The following CADM2 variants were observed in gnomAD, a reference collection of about 807,000 sequenced individuals.
The protein encoded by CADM2 is cell adhesion molecule 2.
Under a neutral mutation model 49.8 loss-of-function variants are expected in CADM2, and 12 were observed. That is an observed-to-expected ratio of 0.24 (90% confidence interval 0.15 to 0.39). The LOEUF (loss-of-function observed/expected upper bound fraction) is 0.39, where lower values mean the gene tolerates loss of function less well. Ranked by LOEUF, CADM2 falls within the 10% of genes least tolerant of loss-of-function variation. The pLI is 1.00. For synonymous variants in CADM2, 214 were observed against 175.4 expected (o/e 1.22, Z -1.74); for missense variants, 378 against 492.3 (o/e 0.77, Z 2.20).
At chr3:85,427,179 TA>T (rs2036448109) in intron 1 of CADM2, among the ~76,000 whole-genome samples, 1 of 42,948 alleles carries the variant, frequency 2.3e-5, no homozygotes, top group South Asian at 9.3e-4. Context: ...TATATATATA[TA>T]TATATATATA....
intron 1 of CADM2, among the ~76,000 whole-genome samples, chr3:85,404,847 A>C (rs759300931): frequency 6.6e-6 from 1 of 152,116 alleles, no homozygotes; most frequent in South Asian, 2.1e-4. Flanking sequence ...ACGTGTTTTA[A>C]AGTTTGTTAC....
chr3:85,924,738 G>T (rs540726041), intron 6 of CADM2, among the ~76,000 whole-genome samples: 68 of 152,118 alleles, frequency 4.5e-4, no homozygotes, highest in African/African-American at 1.5e-3. Context: ...GAGACACATT[G>T]CTTCTATGCC....
chr3:85,287,438 C>T (rs1346768236), intron 1 of CADM2, among the ~76,000 whole-genome samples: 2 of 152,018 alleles, frequency 1.3e-5, no homozygotes, highest in Admixed American at 1.3e-4. Context: ...GCTCAACTTG[C>T]ATTTCAATAA....
intron 3 of CADM2, among the ~76,000 whole-genome samples, chr3:85,871,693 T>C (rs1393529145): frequency 6.6e-6 from 1 of 152,160 alleles, no homozygotes; most frequent in African/African-American, 2.4e-5. Context: ...TAAATTAACA[T>C]TACTCTATCG....
chr3:86,027,102 A>C (rs1019837400), intron 8 of CADM2, among the ~76,000 whole-genome samples: 1 of 152,184 alleles, frequency 6.6e-6, no homozygotes, highest in Non-Finnish European at 1.5e-5. Context: ...CAATTCTAGT[A>C]ACAGGGTTCA....
intron 1 of CADM2, among the ~76,000 whole-genome samples, chr3:85,691,647 A>G (rs1407783956): frequency 1.3e-5 from 2 of 152,208 alleles, no homozygotes; most frequent in Non-Finnish European, 2.9e-5. Context: ...AGGATTATAA[A>G]TCATGCTGCT....
intron 1 of CADM2, among the ~76,000 whole-genome samples, chr3:84,975,584 A>G (rs531752824): frequency 6.6e-6 from 1 of 151,886 alleles, no homozygotes; most frequent in East Asian, 1.9e-4. Context: ...TATCATTTTG[A>G]GTGGGGAAAG....
chr3:85,770,137 G>A (rs1451147513), intron 2 of CADM2, among the ~76,000 whole-genome samples: 1 of 151,980 alleles, frequency 6.6e-6, no homozygotes, highest in Non-Finnish European at 1.5e-5. Context: ...AACTTTCTAG[G>A]CTTCAGTGTT....
At chr3:85,453,441 C>T (rs993716) in intron 1 of CADM2, among the ~76,000 whole-genome samples, 79,863 of 151,824 alleles carry the variant, frequency 0.53, 23,150 homozygotes, top group East Asian at 0.83. Flanking sequence ...AGACCCTCTT[C>T]AATTCACATA....
At chr3:85,680,784 A>C (rs2107656275) in intron 1 of CADM2, among the ~76,000 whole-genome samples, 1 of 152,220 alleles carries the variant, frequency 6.6e-6, no homozygotes, top group Non-Finnish European at 1.5e-5. Context: ...TTCTGGAGTA[A>C]GCCTGATATT....
chr3:85,428,863 A>G (rs2107516334), intron 1 of CADM2, among the ~76,000 whole-genome samples: 1 of 151,472 alleles, frequency 6.6e-6, no homozygotes, highest in Admixed American at 6.6e-5. Context: ...TAGGTTATTG[A>G]TAGTATTAGG....
intron 1 of CADM2, among the ~76,000 whole-genome samples, chr3:85,530,547 T>A (rs1239343906): frequency 6.6e-6 from 1 of 151,960 alleles, no homozygotes; most frequent in Non-Finnish European, 1.5e-5. Flanking sequence ...GCCAGGATGG[T>A]CTCAATCTCC....
intron 1 of CADM2, among the ~76,000 whole-genome samples, chr3:85,089,788 T>G (rs763345445): frequency 2.0e-5 from 3 of 152,126 alleles, no homozygotes; most frequent in East Asian, 1.9e-4. Flanking sequence ...TAGGACAACA[T>G]GAGTTGTTCT....
intron 8 of CADM2, among the ~76,000 whole-genome samples, chr3:86,031,031 A>AT (rs1216093783): frequency 6.6e-6 from 1 of 151,856 alleles, no homozygotes; most frequent in Admixed American, 6.6e-5. Flanking sequence ...TAATTTATAA[A>AT]TTTTTTCTTA....
intron 1 of CADM2, among the ~76,000 whole-genome samples, chr3:85,388,521 G>C (rs962967304): frequency 2.0e-5 from 3 of 152,110 alleles, no homozygotes; most frequent in Non-Finnish European, 4.4e-5. Context: ...GTCTGTTTAT[G>C]TATGAATGTA....
At chr3:85,111,475 C>G (rs1167570750) in intron 1 of CADM2, among the ~76,000 whole-genome samples, 1 of 151,690 alleles carries the variant, frequency 6.6e-6, no homozygotes, top group Admixed American at 6.6e-5. Context: ...TATTAGTGTT[C>G]TTTAGAGATC....
At chr3:85,413,582 A>G (rs2107476554) in intron 1 of CADM2, among the ~76,000 whole-genome samples, 1 of 152,274 alleles carries the variant, frequency 6.6e-6, no homozygotes, top group Non-Finnish European at 1.5e-5. Context: ...GGGAAGGGGA[A>G]GCAGGAACGT....
intron 1 of CADM2, among the ~76,000 whole-genome samples, chr3:85,645,567 A>C (rs2064858718): frequency 6.6e-6 from 1 of 152,022 alleles, no homozygotes; most frequent in Admixed American, 6.6e-5. Flanking sequence ...TGATTTTCAG[A>C]TAATTTTAAG....
chr3:85,338,450 A>G (rs2045149894), intron 1 of CADM2, among the ~76,000 whole-genome samples: 1 of 151,588 alleles, frequency 6.6e-6, no homozygotes, highest in Non-Finnish European at 1.5e-5. Context: ...TCTGTGCAAT[A>G]GCCCCGAGAA....
Sources: allele counts gnomAD v4.1 joint callset (sites outside exome capture counted in the v4.1 genomes callset), GRCh38; gene constraint gnomAD v4.1.1; transcripts MANE v1.5; gene names NCBI Gene and HGNC (gene_info 2026-07-23, HGNC 2026-07-21).